CYRIB: variants seen among roughly 807,000 people sequenced by gnomAD.
The protein encoded by CYRIB is CYFIP related Rac1 interactor B, also known as CYFIP-related Rac1 interactor B.
In CYRIB, 8 loss-of-function variants were observed where a neutral mutation model predicts 44.2. That is an observed-to-expected ratio of 0.18 (90% confidence interval 0.11 to 0.33). The LOEUF is 0.33. Among genes scored for constraint, CYRIB ranks in the 10% least tolerant of loss-of-function variants. The probability of loss-of-function intolerance (pLI) is 1.00; values close to 1 mark genes in which losing one functional copy is unlikely to be tolerated. For synonymous variants in CYRIB, 131 were observed against 127.2 expected, an observed-to-expected ratio of 1.03 and a Z score of -0.20; for missense variants, 185 against 382.8, an observed-to-expected ratio of 0.48 and a Z score of 4.31.
chr8:129,897,159 TG>T (rs2068498572), intron 2 of CYRIB, among the ~76,000 whole-genome samples: 1 of 152,186 alleles, frequency 6.6e-6, no homozygotes, highest in Non-Finnish European at 1.5e-5. Context: ...CACGGTCAAA[TG>T]GAAGACTCAC....
At chr8:129,986,103 G>A (rs964925193) in intron 1 of CYRIB, among the ~76,000 whole-genome samples, 3 of 152,162 alleles carry the variant, frequency 2.0e-5, no homozygotes, top group African/African-American at 2.4e-5. Context: ...AAAGTACTGC[G>A]ATCTGTGCCC....
chr8:130,015,516 G>A (rs1416266129), intron 1 of CYRIB, among the ~76,000 whole-genome samples: 2 of 152,168 alleles, frequency 1.3e-5, no homozygotes, highest in Non-Finnish European at 2.9e-5. Flanking sequence ...CAAAGTGCAT[G>A]TGACACTCCC....
intron 11 of CYRIB, among the ~76,000 whole-genome samples, chr8:129,844,858 A>G (rs2038865990): frequency 6.6e-6 from 1 of 152,238 alleles, no homozygotes; most frequent in South Asian, 2.1e-4. Context: ...GATTTCCTTT[A>G]AGAAATATTT....
intron 1 of CYRIB, among the ~76,000 whole-genome samples, chr8:129,913,461 A>C (rs1261500826): frequency 6.6e-6 from 1 of 152,228 alleles, no homozygotes; most frequent in Non-Finnish European, 1.5e-5. Flanking sequence ...TCCTTTTTTA[A>C]GAAAACCAAA....
rs140749616 is a variant in CYRIB, at chr8:129,974,845, C to T, written c.-295-3850G>A. ...AAGTGCTCCTCCTGCCTCAGTCCCC[C>T]AAGTAGCTGTGACCACAGGCACGTG... is the stretch of plus-strand genomic sequence containing the variant. On this transcript the variant is annotated intron_variant, in intron 1 of 14. Transcript: ENST00000401979. Among the ~76,000 whole-genome samples the T allele has an allele frequency of 3.0e-3, 453 of 151,616 alleles. 4 individuals carry two copies. Among genetic ancestry groups the T allele is most frequent in the East Asian group, 0.02 (104 of 5,170 alleles).
At chr8:129,989,634 CCCTTT>C (rs2096572589) in intron 1 of CYRIB, among the ~76,000 whole-genome samples, 1 of 150,396 alleles carries the variant, frequency 6.6e-6, no homozygotes, top group African/African-American at 2.5e-5. Context: ...AAGCCTGATG[CCCTTT>C]CTTTTTTTTT....
intron 1 of CYRIB, among the ~76,000 whole-genome samples, chr8:129,921,233 T>C (rs2083388769): frequency 6.6e-6 from 1 of 152,230 alleles, no homozygotes; most frequent in South Asian, 2.1e-4. Context: ...TAATGCTTCT[T>C]TTCAGAATTT....
At position 129,873,561 on chromosome 8, in the gene CYRIB, C is replaced by T. The variant is rs1004944146; in HGVS notation, c.74-2065G>A. Among the ~76,000 whole-genome samples the T allele has an allele frequency of 3.7e-4, 56 of 152,004 alleles. 1 individual carries two copies. The highest frequency in any genetic ancestry group is 1.3e-3 in the African/African-American group (55 of 41,544). On this transcript the variant is annotated intron_variant, in intron 3 of 11. Transcript: ENST00000519824. Reference sequence around the variant, plus strand: ...TGGAATTGTGAAACTACAGACATAACATCAATAGTAGACACGTATTTAGTT... The same window carrying T: ...TGGAATTGTGAAACTACAGACATAATATCAATAGTAGACACGTATTTAGTT...
intron 2 of CYRIB, among the ~76,000 whole-genome samples, chr8:129,901,911 A>T (rs555294868): frequency 3.0e-4 from 45 of 152,368 alleles, no homozygotes; most frequent in African/African-American, 1.1e-3. Flanking sequence ...TGTAAGAAGC[A>T]CACATATTAC....
At chr8:129,848,127 A>T (rs965926426) in intron 10 of CYRIB, among the ~76,000 whole-genome samples, 19 of 152,272 alleles carry the variant, frequency 1.2e-4, no homozygotes, top group African/African-American at 4.6e-4. Flanking sequence ...CTATTACTTG[A>T]TCTGCTAAAC....
At chr8:129,993,611 C>T (rs1372661094) in intron 1 of CYRIB, among the ~76,000 whole-genome samples, 4 of 151,696 alleles carry the variant, frequency 2.6e-5, no homozygotes, top group Non-Finnish European at 4.4e-5. Flanking sequence ...GCAGGAGAAT[C>T]GCTGGAACCC....
intron 2 of CYRIB, among the ~76,000 whole-genome samples, chr8:129,881,996 T>A (rs1043220439): frequency 5.3e-5 from 8 of 152,358 alleles, no homozygotes; most frequent in African/African-American, 1.7e-4. Context: ...AATAGCATAT[T>A]TCACAGCTTT....
At chr8:129,854,214 G>T in intron 7 of CYRIB, 52 bp downstream of exon 9, 2 of 1,286,196 alleles carry the variant, frequency 1.6e-6, no homozygotes, top group Non-Finnish European at 1.1e-6. Flanking sequence ...AAATGAACAG[G>T]CTGAGCACTA....
At chr8:129,984,115 G>T (rs1002515784) in intron 1 of CYRIB, among the ~76,000 whole-genome samples, 12 of 152,220 alleles carry the variant, frequency 7.9e-5, no homozygotes, top group Admixed American at 3.9e-4. Flanking sequence ...CCAAGGCGGG[G>T]AACACCGCCC....
intron 1 of CYRIB, among the ~76,000 whole-genome samples, chr8:130,013,136 T>A (rs900384139): frequency 2.0e-5 from 3 of 152,200 alleles, no homozygotes; most frequent in African/African-American, 7.2e-5. Context: ...ATTACTGTTG[T>A]TGATGATGAT....
rs1223615841 is a variant in CYRIB, at chr8:129,861,803, A to C, written c.301+426T>G. 5.3e-5 allele frequency among the ~76,000 whole-genome samples: 8 copies of C among 152,026 alleles called. 1 individual carries two copies. On this transcript the variant is annotated intron_variant, in intron 5 of 11. Coordinates refer to ENST00000519824, the Ensembl canonical transcript of CYRIB. ...ACATGAATTAAGCGTAACCAGTAAA[A>C]ATTTCAAGAAAACCTCTTTGATTTC...
At chr8:129,967,344 T>C (rs1289153886) in intron 2 of CYRIB, among the ~76,000 whole-genome samples, 1 of 151,768 alleles carries the variant, frequency 6.6e-6, no homozygotes. Flanking sequence ...TCTTTTTCTT[T>C]TCTTTGGTTT....
At chr8:129,847,367 G>A (rs2040632118) in intron 10 of CYRIB, 1 of 152,954 alleles carries the variant, frequency 6.5e-6, no homozygotes, top group Admixed American at 6.5e-5. Flanking sequence ...GGGAGGCTGA[G>A]GCAGGAGAAT....
chr8:130,010,075 C>T (rs757646509), intron 1 of CYRIB, among the ~76,000 whole-genome samples: 27 of 152,228 alleles, frequency 1.8e-4, no homozygotes, highest in Non-Finnish European at 7.3e-5. Context: ...GTCCTTCCCC[C>T]ACCTTCTTAT....
Sources: allele counts gnomAD v4.1 joint callset (sites outside exome capture counted in the v4.1 genomes callset), GRCh38; gene constraint gnomAD v4.1.1; transcripts MANE v1.5; gene names NCBI Gene and HGNC (gene_info 2026-07-23, HGNC 2026-07-21).